The following TNS1 variants were observed in gnomAD, a reference collection of about 807,000 sequenced individuals.
TNS1 encodes tensin-1.
TNS1 carries 62 observed loss-of-function variants against 168.6 expected under a neutral mutation model. The ratio of observed to expected loss-of-function variants is 0.37; its 90% confidence interval spans 0.30 to 0.45. The LOEUF (loss-of-function observed/expected upper bound fraction) is 0.45, where lower values mean the gene tolerates loss of function less well. Among genes scored for constraint, TNS1 ranks in the 20% least tolerant of loss-of-function variants. The probability of loss-of-function intolerance (pLI) is 1.00; values close to 1 mark genes in which losing one functional copy is unlikely to be tolerated. For missense variants in TNS1, 2,240 were observed against 2,339.4 expected (o/e 0.96, Z 0.88); for synonymous variants, 934 against 933.2 (o/e 1.00, Z -0.02).
chr2:217,960,406 GA>G (rs1020766989), intron 3 of TNS1, among the ~76,000 whole-genome samples: 1 of 152,146 alleles, frequency 6.6e-6, no homozygotes, highest in Non-Finnish European at 1.5e-5. Context: ...GGGCAAGGGG[GA>G]CCAGTGGGGG....
chr2:217,970,806 C>T (rs1454052544), intron 3 of TNS1, among the ~76,000 whole-genome samples: 1 of 151,922 alleles, frequency 6.6e-6, no homozygotes, highest in Non-Finnish European at 1.5e-5. Context: ...ACTGTGGTGA[C>T]AGTCACACAA....
chr2:218,004,334 G>T (rs765662458), upstream of TNS1, among the ~76,000 whole-genome samples: 23 of 152,104 alleles, frequency 1.5e-4, no homozygotes, highest in Non-Finnish European at 3.2e-4. Context: ...CATGCCCTGG[G>T]GCCACATGCA....
Position 218,032,720 on chromosome 2 carries a change from G to A in TNS1, c.156+1100C>T, listed in dbSNP as rs979451256. ...GCTCTTCCCTAAACCCCTGAAGGGG[G>A]GAGCCCCGAGCAGCAGCAACCCTCA... On this transcript the variant is annotated intron_variant, in intron 1 of 1. Coordinates refer to the TNS1 transcript ENST00000649572. This position sits in a 1 kb window ranked among gnomAD's most constrained non-coding sequence, Gnocchi z 4.0. 4.6e-5 allele frequency among the ~76,000 whole-genome samples: 7 copies of A among 152,178 alleles called. No individual in the cohort carries two copies. Among genetic ancestry groups the A allele is most frequent in the African/African-American group, 1.7e-4 (7 of 41,446 alleles).
At chr2:217,983,241 A>G (rs1168555713) in intron 2 of TNS1, among the ~76,000 whole-genome samples, 1 of 152,160 alleles carries the variant, frequency 6.6e-6, no homozygotes, top group Non-Finnish European at 1.5e-5. Flanking sequence ...TCTTCTCCTG[A>G]GTCCTCCCCC....
chr2:217,986,984 C>T lies in TNS1; in HGVS notation c.148+3958G>A, dbSNP rs1323957813. ...GCTATCCTACCTCTGCAGACTCCAA[C>T]CAGGGAGTTTTCCAGGCCCTCCCCA... On this transcript the variant is annotated intron_variant, in intron 2 of 32. Transcript: ENST00000682258. The surrounding 1 kb of genome is among the most constrained non-coding windows in gnomAD (Gnocchi z 4.7). 6.6e-6 allele frequency: 1 copy of T among 152,220 alleles called. No homozygotes were observed. The highest frequency in any genetic ancestry group is 1.5e-5 in the Non-Finnish European group (1 of 68,050). The allele number at this position is 152,220 out of a possible 1,614,324, so 9.4% of individuals were successfully genotyped here. A position where few individuals can be genotyped will look rare whatever the true frequency, so the allele number is the denominator to read the frequency against.
chr2:217,955,930 TC>T (rs1244676754), intron 3 of TNS1, among the ~76,000 whole-genome samples: 1 of 152,060 alleles, frequency 6.6e-6, no homozygotes, highest in Non-Finnish European at 1.5e-5. Context: ...CAGGTAACGC[TC>T]CCACAAAATG....
In TNS1 at chr2:217,848,764, T is replaced by A. The variant is rs111921456; in HGVS notation, c.1753A>T (p.Thr585Ser). 1.2e-6 allele frequency: 2 copies of A among 1,614,118 alleles called. No individual in the cohort carries two copies. Among genetic ancestry groups the A allele is most frequent in the South Asian group, 1.1e-5 (1 of 91,084 alleles). ...GCTGGGCGGGACCTGAGGTGCTGGG[T>A]GTGGTACATGGCGCCTTGCTTCTCT... ...EREKQGAMYH[T>S]QHLRSRPAGG... Residue 585 changes from threonine to serine, a missense_variant, in exon 19 of 33, where the codon ACC becomes TCC. Around this residue, in one of 2 missense-constraint regions of TNS1, gnomAD observed 2,131 missense variants for 2,171.2 expected, o/e 0.98. Transcript: ENST00000682258.
intron 3 of TNS1, among the ~76,000 whole-genome samples, chr2:217,929,954 T>A (rs958372473): frequency 6.6e-6 from 1 of 152,198 alleles, no homozygotes; most frequent in Non-Finnish European, 1.5e-5. Flanking sequence ...ATTTCTAAAA[T>A]GCACATCCAG....
intron 18 of TNS1, among the ~76,000 whole-genome samples, chr2:217,858,310 A>C (rs1016742435): frequency 2.6e-5 from 4 of 151,986 alleles, no homozygotes; most frequent in Non-Finnish European, 5.9e-5. Flanking sequence ...TCACATCCAC[A>C]TCAGACAGCA....
At chr2:217,967,307 C>T (rs981801275) in intron 3 of TNS1, among the ~76,000 whole-genome samples, 3 of 151,692 alleles carry the variant, frequency 2.0e-5, no homozygotes, top group Admixed American at 6.6e-5. Context: ...GGTGACAGAG[C>T]GAGACTCGGT....
intron 4 of TNS1, among the ~76,000 whole-genome samples, chr2:217,916,301 C>T (rs948192695): frequency 4.6e-5 from 7 of 151,428 alleles, no homozygotes; most frequent in Non-Finnish European, 8.8e-5. Flanking sequence ...CCCCTCCAGA[C>T]CCCCCACCCT....
intron 4 of TNS1, among the ~76,000 whole-genome samples, chr2:217,917,175 C>T (rs1192440937): frequency 6.6e-6 from 1 of 152,118 alleles, no homozygotes. Flanking sequence ...CCCCCATGGC[C>T]CCCCACCTTT....
chr2:217,986,088 A>T lies in TNS1; in HGVS notation c.148+4854T>A, dbSNP rs1176193710. Reference sequence around the variant, plus strand: ...GGAAAAGGGAAAGCCAGACCCAGAGAGGTTAAGCATCTCACCTGGGGTCAC... The same window carrying T: ...GGAAAAGGGAAAGCCAGACCCAGAGTGGTTAAGCATCTCACCTGGGGTCAC... On this transcript the variant is annotated intron_variant, in intron 2 of 32. Coordinates refer to ENST00000682258, the MANE Select transcript of TNS1 (RefSeq NM_001387777.1). This position sits in a 1 kb window ranked among gnomAD's most constrained non-coding sequence, Gnocchi z 4.7. 6.6e-6 allele frequency among the ~76,000 whole-genome samples: 1 copy of T among 152,170 alleles called. No individual in the cohort carries two copies. The highest frequency in any genetic ancestry group is 1.5e-5 in the Non-Finnish European group (1 of 68,032).
In TNS1 at chr2:218,024,178, C is replaced by T. The variant is rs148571979; in HGVS notation, c.156+9642G>A. 5.0e-3 allele frequency among the ~76,000 whole-genome samples: 759 copies of T among 152,222 alleles called. 7 individuals carry two copies. The highest frequency in any genetic ancestry group is 9.1e-3 in the Non-Finnish European group (617 of 68,016). On this transcript the variant is annotated intron_variant, in intron 1 of 1. Transcript: ENST00000649572. The stretch of plus-strand genomic sequence containing the variant: ...ACTAAGAGGTGGTAAGAAAGGACTC[C>T]GAGTCCCCATTCCCTCTGCTACTGT...
intron 30 of TNS1, among the ~76,000 whole-genome samples, chr2:217,809,488 GAT>G (rs1559141082): frequency 3.9e-4 from 8 of 20,688 alleles, no homozygotes; most frequent in South Asian, 1.6e-3. Context: ...TGGATGGATG[GAT>G]GCATGGATGG....
chr2:217,872,815 G>A (rs757075595), intron 18 of TNS1, among the ~76,000 whole-genome samples: 5 of 152,198 alleles, frequency 3.3e-5, no homozygotes, highest in Non-Finnish European at 2.9e-5. Context: ...GGTGATGTAT[G>A]GATAAACAAA....
At position 217,893,529 on chromosome 2, in the gene TNS1, G is replaced by A. The variant is rs776475966; in HGVS notation, c.627C>T (p.Thr209=). The A allele has an allele frequency of 4.3e-6, 7 of 1,613,170 alleles. No homozygotes were observed. In the East Asian group the frequency reaches 1.6e-4, roughly 36 times the overall value. The change falls in exon 10 of 33, where the codon ACC becomes ACT. Residue 209 remains threonine, a synonymous_variant. Transcript: ENST00000682258. ...TGCTGCAGATCTTCTCCAGGGCTGG[G>A]GTGTGGAGGTCGGGCCAGCCAAATT... ...VLEFGWPDLH[T]PALEKICSIC...
rs1440685045 is a variant in TNS1, at chr2:217,966,304, T to TGC, written c.186+12460_186+12461insGC. On this transcript the variant is annotated intron_variant, in intron 3 of 32. Transcript: ENST00000682258. ...GTGTGTGTGTGTGTGTGTGTGTGTG[T>TGC]GTGTGCGCGCGCGCGCGTGTGTAAG... Among the ~76,000 whole-genome samples the TGC allele has an allele frequency of 3.2e-3, 445 of 137,462 alleles. 1 individual carries two copies. The highest frequency in any genetic ancestry group is 0.012 in the East Asian group (59 of 4,754). 90.2% of individuals were successfully genotyped at this position (137,462 alleles called of 152,430 possible).
chr2:217,885,081 G>A lies in TNS1; in HGVS notation c.1200C>T (p.Asp400=), dbSNP rs763256327. The change falls in exon 16 of 33, where the codon GAC becomes GAT. Residue 400 remains aspartate, a synonymous_variant. Coordinates refer to ENST00000682258, the MANE Select transcript of TNS1 (RefSeq NM_001387777.1). ...CCTCCTTCCCAAAGACAACCCCCAG[G>A]TCATGGATGGCACAGGTGTGGAACT... is the stretch of plus-strand genomic sequence containing the variant. ...RVQFHTCAIH[D]LGVVFGKEDL... The A allele has an allele frequency of 1.2e-6, 2 of 1,614,124 alleles. No individual in the cohort carries two copies. Among genetic ancestry groups the A allele is most frequent in the African/African-American group, 1.3e-5 (1 of 74,934 alleles).
Sources: gnomAD v4.1 joint callset for allele counts (sites outside exome capture counted in the v4.1 genomes callset) on GRCh38, gnomAD v4.1.1 for gene constraint, gnomAD v4.1.1 regional missense constraint, Gnocchi (gnomAD v3.1) non-coding constraint, MANE v1.5 for transcripts, NCBI Gene and HGNC (gene_info 2026-07-23, HGNC 2026-07-21) for gene names.